LRIG1: variants seen among roughly 807,000 people sequenced by gnomAD.
LRIG1 encodes the protein leucine rich repeats and immunoglobulin like domains 1, also known as leucine-rich repeats and immunoglobulin-like domains protein 1.
In LRIG1, 48 loss-of-function variants were observed where a neutral mutation model predicts 99.2. The observed-to-expected ratio is 0.48, with a 90% confidence interval of 0.38 to 0.62. The LOEUF (loss-of-function observed/expected upper bound fraction) is 0.62. Ranked by LOEUF, LRIG1 falls within the 20% of genes least tolerant of loss-of-function variation. The pLI, the probability that LRIG1 is intolerant of heterozygous loss-of-function variation, is 0.00. For missense variants in LRIG1, 1,646 were observed against 1,434.4 expected (o/e 1.15, Z -2.38); for synonymous variants, 772 against 596.1 (o/e 1.29, Z -4.30).
intron 3 of LRIG1, among the ~76,000 whole-genome samples, chr3:66,426,807 C>T (rs950262066): frequency 2.0e-5 from 3 of 152,150 alleles, no homozygotes; most frequent in Non-Finnish European, 4.4e-5. Context: ...CTGAAACATA[C>T]TGAAGCTGGC....
chr3:66,415,040 C>A lies in LRIG1; in HGVS notation c.527G>T (p.Gly176Val). Residue 176 changes from glycine to valine, a missense_variant, in exon 5 of 19, where the codon GGC becomes GTC. Transcript: ENST00000273261. ...ATCAAATGCTCCCAACTCCAGGGTG[C>A]CAATCCGATTGCCTGCCAGGTTGCT... ...KELNLAGNRI[G>V]TLELGAFDGL... The A allele has an allele frequency of 6.2e-7, 1 of 1,604,508 alleles. No homozygotes were observed. The highest frequency in any genetic ancestry group is 2.2e-5 in the East Asian group (1 of 44,758).
intron 11 of LRIG1, among the ~76,000 whole-genome samples, chr3:66,395,515 T>A (rs1391895956): frequency 6.6e-6 from 1 of 152,176 alleles, no homozygotes; most frequent in Non-Finnish European, 1.5e-5. Context: ...AATTATAATT[T>A]TGGAAAGTGC....
intron 1 of LRIG1, among the ~76,000 whole-genome samples, chr3:66,472,229 G>A (rs967592328): frequency 4.9e-5 from 7 of 142,438 alleles, no homozygotes; most frequent in East Asian, 2.1e-4. Context: ...GCGAGAACCC[G>A]GGAGGCGGAG....
chr3:66,383,914 C>T (rs1701232112), intron 14 of LRIG1, 77 bp downstream of exon 14: 5 of 1,545,810 alleles, frequency 3.2e-6, no homozygotes, highest in Non-Finnish European at 4.4e-6. Context: ...CCACCCCTGG[C>T]CACACAGAGC....
chr3:66,407,615 G>A lies in LRIG1; in HGVS notation c.936-124C>T, dbSNP rs149742509. On this transcript the variant is annotated intron_variant, in intron 7 of 18. Transcript: ENST00000273261. ...AAATGACACAGATGCACACGCACGC[G>A]CGTGCGTGCACACACACACCCACAC... 2,826 of 1,014,126 alleles carry A rather than the reference G, an allele frequency of 2.8e-3. 14 individuals carry two copies. The highest frequency in any genetic ancestry group is 6.7e-3 in the South Asian group (446 of 66,248). 62.8% of individuals were successfully genotyped at this position (1,014,126 alleles called of 1,614,324 possible).
At chr3:66,441,743 A>G (rs147144241) in intron 3 of LRIG1, among the ~76,000 whole-genome samples, 1 of 152,330 alleles carries the variant, frequency 6.6e-6, no homozygotes, top group East Asian at 1.9e-4. Context: ...AAATGTCAGC[A>G]CTTAAAATGA....
At chr3:66,453,247 G>T (rs1703965152) in intron 2 of LRIG1, among the ~76,000 whole-genome samples, 1 of 152,220 alleles carries the variant, frequency 6.6e-6, no homozygotes, top group Admixed American at 6.5e-5. Context: ...TTCATTGCTT[G>T]CGATTTCTTC....
rs1244371979 is a variant in LRIG1, at chr3:66,383,157, C to A, written c.2316G>T (p.Glu772Asp). 1.9e-6 allele frequency: 3 copies of A among 1,614,260 alleles called. No individual in the cohort carries two copies. Among genetic ancestry groups the A allele is most frequent in the South Asian group, 1.1e-5 (1 of 91,090 alleles). ...TCEMSNTLGT[E>D]RAHSQLSVLP... is the part of the protein sequence containing the mutation. Reference sequence around the variant, plus strand: ...GGACGCTCAGCTGGCTGTGAGCTCGCTCCGTGCCCAGGGTGTTGGACATCT... The same window carrying A: ...GGACGCTCAGCTGGCTGTGAGCTCGATCCGTGCCCAGGGTGTTGGACATCT... The change falls in exon 15 of 19, where the codon GAG becomes GAT. Residue 772 changes from glutamate to aspartate, a missense_variant. By Grantham distance (45) the Glu-to-Asp change is conservative. Transcript: ENST00000273261.
intron 2 of LRIG1, among the ~76,000 whole-genome samples, chr3:66,461,262 G>A (rs1448364054): frequency 1.3e-5 from 2 of 152,102 alleles, no homozygotes; most frequent in Non-Finnish European, 1.5e-5. Flanking sequence ...CTGAGATCAC[G>A]CCACTGCACT....
chr3:66,418,528 G>A (rs1174745921), intron 3 of LRIG1, among the ~76,000 whole-genome samples: 1 of 152,228 alleles, frequency 6.6e-6, no homozygotes, highest in Non-Finnish European at 1.5e-5. Flanking sequence ...CCGCCTGGCA[G>A]AGTCAAACCA....
At chr3:66,384,526 T>G (rs1274979677) in intron 13 of LRIG1, among the ~76,000 whole-genome samples, 6 of 152,096 alleles carry the variant, frequency 3.9e-5, no homozygotes, top group Non-Finnish European at 7.4e-5. Flanking sequence ...AAGCAAAGGC[T>G]TTTACTCTAC....
intron 9 of LRIG1, 45 bp from the exon 10 acceptor site, chr3:66,399,086 C>T (rs747171270): frequency 1.8e-5 from 26 of 1,459,982 alleles, no homozygotes; most frequent in Admixed American, 1.3e-4. Flanking sequence ...GGAAGGAAAG[C>T]GAAACAGGAA....
chr3:66,447,756 C>A (rs1349560049), intron 3 of LRIG1, among the ~76,000 whole-genome samples: 1 of 152,194 alleles, frequency 6.6e-6, no homozygotes, highest in Non-Finnish European at 1.5e-5. Context: ...CCACTGTCAC[C>A]AATCTTCTCG....
At chr3:66,461,281 G>A (rs962473092) in intron 2 of LRIG1, among the ~76,000 whole-genome samples, 5 of 151,956 alleles carry the variant, frequency 3.3e-5, no homozygotes, top group Admixed American at 6.6e-5. Context: ...CTCTAGCCTG[G>A]GCAACAGAGC....
At chr3:66,410,868 T>C (rs1281018050) in intron 6 of LRIG1, among the ~76,000 whole-genome samples, 1 of 152,156 alleles carries the variant, frequency 6.6e-6, no homozygotes, top group Non-Finnish European at 1.5e-5. Flanking sequence ...GCTTAGCCAG[T>C]AGGGAAGGGG....
intron 12 of LRIG1, chr3:66,388,130 A>AAAAG (rs1701471033): frequency 6.6e-6 from 1 of 150,410 alleles, no homozygotes; most frequent in African/African-American, 2.4e-5. Context: ...AAAAAAAAAA[A>AAAAG]AAGGATAAAG....
intron 13 of LRIG1, among the ~76,000 whole-genome samples, chr3:66,384,762 G>A (rs1701282423): frequency 6.6e-6 from 1 of 152,168 alleles, no homozygotes; most frequent in African/African-American, 2.4e-5. Flanking sequence ...CACCCAGGCT[G>A]TTCCTGCCCA....
intron 3 of LRIG1, among the ~76,000 whole-genome samples, chr3:66,429,902 T>A (rs1233616620): frequency 6.6e-6 from 1 of 151,354 alleles, no homozygotes; most frequent in East Asian, 1.9e-4. Flanking sequence ...TAAAAGTCCA[T>A]TAATTAAAAA....
At chr3:66,464,200 T>G (rs1342372552) in intron 1 of LRIG1, among the ~76,000 whole-genome samples, 1 of 152,244 alleles carries the variant, frequency 6.6e-6, no homozygotes, top group African/African-American at 2.4e-5. Flanking sequence ...GGTGTAAAGA[T>G]ACTGGGAGTT....
Sources: gnomAD v4.1 joint callset for allele counts (sites outside exome capture counted in the v4.1 genomes callset) on GRCh38, gnomAD v4.1.1 for gene constraint, MANE v1.5 for transcripts, NCBI Gene and HGNC (gene_info 2026-07-23, HGNC 2026-07-21) for gene names.